MRPL50: variants seen among roughly 807,000 people sequenced by gnomAD.
MRPL50 encodes the protein large ribosomal subunit protein mL50.
MRPL50 carries 10 observed loss-of-function variants against 16.2 expected under a neutral mutation model. The ratio of observed to expected loss-of-function variants is 0.62; its 90% CI spans 0.38 to 1.05. The LOEUF (loss-of-function observed/expected upper bound fraction) is 1.05, where lower values mean the gene tolerates loss of function less well. Ranked by LOEUF, MRPL50 falls within the 50% of genes least tolerant of loss-of-function variation. The pLI is 0.01. For missense variants in MRPL50, 213 were observed against 187.1 expected, an observed-to-expected ratio of 1.14 and a Z score of -0.81; for synonymous variants, 68 against 66.8, an observed-to-expected ratio of 1.02 and a Z score of -0.09.
intron 1 of MRPL50, among the ~76,000 whole-genome samples, chr9:101,394,784 A>G (rs1830319390): frequency 6.6e-6 from 1 of 152,148 alleles, no homozygotes; most frequent in Admixed American, 6.5e-5. Context: ...CAATAAGAAC[A>G]AAAATAGACA....
intron 1 of MRPL50, among the ~76,000 whole-genome samples, chr9:101,397,288 T>A (rs1475458038): frequency 6.6e-6 from 1 of 152,120 alleles, no homozygotes; most frequent in Non-Finnish European, 1.5e-5. Context: ...TAGTGAGAAC[T>A]CCTTTCTCTA....
chr9:101,392,165 C>T (rs528503800), intron 1 of MRPL50, among the ~76,000 whole-genome samples: 37 of 151,788 alleles, frequency 2.4e-4, no homozygotes, highest in African/African-American at 8.4e-4. Context: ...ACAGCAGAAG[C>T]AGTAGTAAGA....
At position 101,390,004 on chromosome 9, in the gene MRPL50, A is replaced by C. The variant is rs1353789244; in HGVS notation, c.*462T>G. 2 of 921,758 alleles carry C rather than the reference A, an allele frequency of 2.2e-6. No homozygotes were observed. The highest frequency in any genetic ancestry group is 3.6e-5 in the African/African-American group (2 of 55,720). 57.1% of individuals were successfully genotyped at this position (921,758 alleles called of 1,614,324 possible). A position where few individuals can be genotyped will look rare whatever the true frequency, so the allele number is the denominator to read the frequency against. ...TCTACTTTAATTCTAAAAGAAATTAATCTAGAACTGTCAGTAATACACAAC... is the reference window on the plus strand; with the variant it reads ...TCTACTTTAATTCTAAAAGAAATTACTCTAGAACTGTCAGTAATACACAAC... On this transcript the variant is annotated 3_prime_UTR_variant, in exon 2 of 2. Transcript: ENST00000374865.
At chr9:101,392,684 G>A (rs1371480637) in intron 1 of MRPL50, among the ~76,000 whole-genome samples, 1 of 151,950 alleles carries the variant, frequency 6.6e-6, no homozygotes, top group Non-Finnish European at 1.5e-5. Flanking sequence ...CTTCACTACT[G>A]AACTCTAGCA....
chr9:101,397,588 C>T (rs920936037), intron 1 of MRPL50, among the ~76,000 whole-genome samples: 50 of 152,044 alleles, frequency 3.3e-4, no homozygotes, highest in African/African-American at 1.2e-3. Context: ...TAAGATATAG[C>T]CTGGCATATA....
In MRPL50 at chr9:101,398,464, C is replaced by A. The variant is rs754039883; in HGVS notation, c.92+37G>T. On this transcript the variant is annotated intron_variant, in intron 1 of 1. Coordinates refer to ENST00000374865, the MANE Select transcript of MRPL50 (RefSeq NM_019051.3). ...TTCGTCCCTAATCCTCCTTAACTTTCCTTGAACATGACCCACCGTCCACCA... is the reference window on the plus strand; with the variant it reads ...TTCGTCCCTAATCCTCCTTAACTTTACTTGAACATGACCCACCGTCCACCA... The A allele has an allele frequency of 3.2e-6, 5 of 1,580,228 alleles. No individual in the cohort carries two copies. In the East Asian group the frequency reaches 1.1e-4, roughly 35 times the overall value.
chr9:101,398,155 C>T (rs546075711), intron 1 of MRPL50, among the ~76,000 whole-genome samples: 19 of 152,286 alleles, frequency 1.2e-4, no homozygotes, highest in South Asian at 1.2e-3. Flanking sequence ...ACACAGCCGG[C>T]AAATGAGTTT....
intron 1 of MRPL50, among the ~76,000 whole-genome samples, chr9:101,396,898 C>G (rs536258946): frequency 2.6e-5 from 4 of 151,900 alleles, no homozygotes; most frequent in African/African-American, 9.7e-5. Context: ...GCCAAGATAG[C>G]GCCACTGCAC....
In MRPL50 at chr9:101,389,660, C is replaced by A. The variant is rs1453393974; in HGVS notation, c.*806G>T. ...ATTTAACACCTTTGTCATTCAGAAC[C>A]ATCTGATAACCTGCTATTTAAGTAA... On this transcript the variant is annotated 3_prime_UTR_variant, in exon 2 of 2. Coordinates refer to ENST00000374865, the MANE Select transcript of MRPL50 (RefSeq NM_019051.3). 19 of 322,750 alleles carry A rather than the reference C, an allele frequency of 5.9e-5. No individual in the cohort carries two copies. The highest frequency in any genetic ancestry group is 2.9e-5 in the South Asian group (1 of 34,226). The allele number at this position is 322,750 out of a possible 1,614,324, so 20.0% of individuals were successfully genotyped here.
Position 101,390,509 on chromosome 9 carries a change from G to T in MRPL50, c.434C>A (p.Ala145Asp), listed in dbSNP as rs1564062027. The change falls in exon 2 of 2, where the codon GCC becomes GAC. Residue 145 changes from alanine to aspartate, a missense_variant. Ala to Asp is a moderately radical substitution (Grantham distance 126). Coordinates refer to ENST00000374865, the MANE Select transcript of MRPL50 (RefSeq NM_019051.3). ...TTTCAAATTGGGGGGCAGATTACTG[G>T]CACTGAGTTCATCAAATTTAGATCT... ...QDRSKFDELS[A>D]SNLPPNLKIT... The T allele has an allele frequency of 6.2e-7, 1 of 1,612,770 alleles. No homozygotes were observed. The highest frequency in any genetic ancestry group is 2.2e-5 in the East Asian group (1 of 44,860).
chr9:101,391,345 A>T (rs1043128404), intron 1 of MRPL50, among the ~76,000 whole-genome samples: 9 of 152,076 alleles, frequency 5.9e-5, no homozygotes, highest in African/African-American at 2.2e-4. Flanking sequence ...TTCTCTTCCA[A>T]GATGCTTTAC....
In MRPL50 at chr9:101,398,481, C is replaced by G. The variant is rs766870235; in HGVS notation, c.92+20G>C. ...TTAACTTTCCTTGAACATGACCCAC[C>G]GTCCACCATAAAGCTTTACCTGAAT... On this transcript the variant is annotated intron_variant, in intron 1 of 1. Transcript: ENST00000374865. 8 of 1,603,406 alleles carry G rather than the reference C, an allele frequency of 5.0e-6. No homozygotes were observed. The highest frequency in any genetic ancestry group is 6.8e-6 in the Non-Finnish European group (8 of 1,170,702).
intron 1 of MRPL50, 103 bp downstream of exon 1, chr9:101,398,398 A>C: frequency 8.9e-7 from 1 of 1,128,604 alleles, no homozygotes; most frequent in Non-Finnish European, 1.3e-6. Context: ...CCTTGCTCTG[A>C]TCAGGCGCGG....
chr9:101,396,820 T>C (rs1830347645), intron 1 of MRPL50, among the ~76,000 whole-genome samples: 1 of 152,080 alleles, frequency 6.6e-6, no homozygotes. Context: ...CGGGCACCTG[T>C]AGTCCCAGCT....
chr9:101,388,970 CTATT>C lies in MRPL50; in HGVS notation c.*1492_*1495del, dbSNP rs1231341881. On this transcript the variant is annotated 3_prime_UTR_variant, in exon 2 of 2. Coordinates refer to ENST00000374865, the MANE Select transcript of MRPL50 (RefSeq NM_019051.3). The stretch of plus-strand genomic sequence containing the variant: ...TACATTGTATTCACAATTGTGAATA[CTATT>C]TACATTCACAACTATAACATATAAC... 3 of 148,380 alleles carry C rather than the reference CTATT, an allele frequency of 2.0e-5. No individual in the cohort carries two copies. The highest frequency in any genetic ancestry group is 4.5e-5 in the Non-Finnish European group (3 of 66,108). The allele number at this position is 148,380 out of a possible 1,614,324, so 9.2% of individuals were successfully genotyped here. A position where few individuals can be genotyped will look rare whatever the true frequency, so the allele number is the denominator to read the frequency against.
rs1427280912 is a variant in MRPL50 at position 101,389,570 on chromosome 9, T to C, written c.*896A>G. The C allele has an allele frequency of 4.0e-4, 352 of 875,468 alleles. 1 individual carries two copies. The highest frequency in any genetic ancestry group is 5.2e-5 in the Non-Finnish European group (33 of 633,696). The allele number at this position is 875,468 out of a possible 1,614,324, so 54.2% of individuals were successfully genotyped here. A position where few individuals can be genotyped will look rare whatever the true frequency, so the allele number is the denominator to read the frequency against. ...TAGGAATTGTCAGCAGTCAGAACAATATAAGACATTCCTTCTGTCTCATTA... is the reference window on the plus strand; with the variant it reads ...TAGGAATTGTCAGCAGTCAGAACAACATAAGACATTCCTTCTGTCTCATTA... On this transcript the variant is annotated 3_prime_UTR_variant, in exon 2 of 2. Coordinates refer to ENST00000374865, the MANE Select transcript of MRPL50 (RefSeq NM_019051.3).
chr9:101,395,225 T>A (rs868818869), intron 1 of MRPL50, among the ~76,000 whole-genome samples: 2 of 152,178 alleles, frequency 1.3e-5, no homozygotes, highest in African/African-American at 4.8e-5. Flanking sequence ...TGAGGTATTA[T>A]CTCACCTGAG....
At chr9:101,392,473 C>T (rs1361700286) in intron 1 of MRPL50, among the ~76,000 whole-genome samples, 1 of 151,446 alleles carries the variant, frequency 6.6e-6, no homozygotes, top group Non-Finnish European at 1.5e-5. Context: ...ACTGATATCA[C>T]AAAAATTTAA....
intron 1 of MRPL50, among the ~76,000 whole-genome samples, chr9:101,394,876 A>C (rs1830320643): frequency 6.6e-6 from 1 of 152,154 alleles, no homozygotes; most frequent in Non-Finnish European, 1.5e-5. Flanking sequence ...CTGGGCAATG[A>C]CCTTTTGAGT....
Sources: allele counts gnomAD v4.1 joint callset (sites outside exome capture counted in the v4.1 genomes callset), GRCh38; gene constraint gnomAD v4.1.1; transcripts MANE v1.5; gene names NCBI Gene and HGNC (gene_info 2026-07-23, HGNC 2026-07-21).